Variants in RMST observed in about 807,000 individuals in gnomAD.
RMST encodes long intergenic non-protein coding RNA 54.
intron 10 of RMST, among the ~76,000 whole-genome samples, chr12:97,519,326 C>G (rs1880273727): frequency 6.6e-6 from 1 of 152,086 alleles, no homozygotes; most frequent in Non-Finnish European, 1.5e-5. Context: ...TACGTCAATC[C>G]CAGGAAATCA....
At chr12:97,552,378 G>T (rs529820127) in intron 11 of RMST, 1 of 152,132 alleles carries the variant, frequency 6.6e-6, no homozygotes, top group Non-Finnish European at 1.5e-5. Flanking sequence ...ATTTCTTCAG[G>T]CATTGTCTTT....
At chr12:97,465,622 T>C (rs1873097416) in intron 4 of RMST, 1 of 149,428 alleles carries the variant, frequency 6.7e-6, no homozygotes, top group African/African-American at 2.5e-5. Context: ...TGTAGTAAAG[T>C]TTTTTTTTAA....
intron 11 of RMST, among the ~76,000 whole-genome samples, chr12:97,546,647 A>G (rs978642849): frequency 1.3e-5 from 2 of 152,072 alleles, no homozygotes; most frequent in Non-Finnish European, 2.9e-5. Context: ...TGACTATTTT[A>G]TGGTAGTGGA....
intron 5 of RMST, among the ~76,000 whole-genome samples, chr12:97,467,466 A>G (rs1285696372): frequency 6.6e-6 from 1 of 152,050 alleles, no homozygotes; most frequent in East Asian, 1.9e-4. Flanking sequence ...AAATTTTTAT[A>G]CAATTTAACT....
chr12:97,549,894 AAG>A (rs543977636), intron 11 of RMST, among the ~76,000 whole-genome samples: 83 of 152,364 alleles, frequency 5.4e-4, no homozygotes, highest in African/African-American at 1.7e-3. Flanking sequence ...GCTCCACAGA[AAG>A]AGAACAAAGT....
At chr12:97,497,627 C>G (rs1043395657) in intron 10 of RMST, among the ~76,000 whole-genome samples, 3 of 151,830 alleles carry the variant, frequency 2.0e-5, no homozygotes, top group Non-Finnish European at 2.9e-5. Context: ...AAACCCTTTC[C>G]CATGATAGTC....
intron 5 of RMST, among the ~76,000 whole-genome samples, chr12:97,483,175 A>G (rs900449994): frequency 2.6e-5 from 4 of 152,136 alleles, no homozygotes; most frequent in Admixed American, 2.6e-4. Context: ...TATTAGTTGC[A>G]CTAATAAAGG....
intron 10 of RMST, among the ~76,000 whole-genome samples, chr12:97,499,651 T>C (rs1170043989): frequency 7.2e-6 from 1 of 139,378 alleles, no homozygotes; most frequent in Non-Finnish European, 1.5e-5. Context: ...TTTTTCTTTT[T>C]TCTTTCTTTT....
chr12:97,524,962 T>G (rs1044806811), intron 10 of RMST, among the ~76,000 whole-genome samples: 6 of 152,244 alleles, frequency 3.9e-5, no homozygotes, highest in Non-Finnish European at 8.8e-5. Context: ...GTGTATTATG[T>G]GCCATGTGGC....
intron 10 of RMST, among the ~76,000 whole-genome samples, chr12:97,528,059 G>T (rs1053542122): frequency 3.3e-5 from 5 of 152,104 alleles, no homozygotes; most frequent in Non-Finnish European, 7.4e-5. Flanking sequence ...TGTGAGGTAA[G>T]TATTACAATT....
At chr12:97,468,368 G>A (rs1365082147) in intron 5 of RMST, among the ~76,000 whole-genome samples, 1 of 151,982 alleles carries the variant, frequency 6.6e-6, no homozygotes, top group Non-Finnish European at 1.5e-5. Context: ...ATATAGACTC[G>A]TTACGTCCCT....
intron 5 of RMST, among the ~76,000 whole-genome samples, chr12:97,466,209 A>C (rs1873164469): frequency 6.6e-6 from 1 of 152,188 alleles, no homozygotes; most frequent in Non-Finnish European, 1.5e-5. Context: ...TTAGTAGAGC[A>C]GCAGCAAAAG....
At chr12:97,506,413 A>G (rs1463253465) in intron 10 of RMST, among the ~76,000 whole-genome samples, 1 of 152,200 alleles carries the variant, frequency 6.6e-6, no homozygotes, top group African/African-American at 2.4e-5. Context: ...TTTATCAAAA[A>G]TATTTGTCAA....
intron 10 of RMST, among the ~76,000 whole-genome samples, chr12:97,496,245 G>A (rs550773584): frequency 1.3e-5 from 2 of 152,052 alleles, no homozygotes; most frequent in African/African-American, 4.8e-5. Context: ...TAACTATGGT[G>A]GATTTTTTTC....
At position 97,563,782 on chromosome 12, in the gene RMST, T is replaced by C. The variant is rs1246286728; in HGVS notation, n.1959-368T>C. 8.2e-6 allele frequency: 4 copies of C among 485,386 alleles called. No individual in the cohort carries two copies. The East Asian group carries it at 2.4e-4, about 30-fold the overall frequency. 30.1% of individuals were successfully genotyped at this position (485,386 alleles called of 1,614,324 possible). A position where few individuals can be genotyped will look rare whatever the true frequency, so the allele number is the denominator to read the frequency against. On this transcript the variant is annotated intron_variant and non_coding_transcript_variant, in intron 13 of 13. Transcript: ENST00000640149. ...TAGCTTTGAAATGGTTGTGAAGTCA[T>C]GTGAAGAAAATAAGTTTTGCATCCG... is the stretch of plus-strand genomic sequence containing the variant.
At chr12:97,471,181 G>A (rs1004417410) in intron 5 of RMST, among the ~76,000 whole-genome samples, 2 of 152,116 alleles carry the variant, frequency 1.3e-5, no homozygotes, top group African/African-American at 4.8e-5. Context: ...TTTACTGGCT[G>A]TAAGAGTCAG....
intron 11 of RMST, among the ~76,000 whole-genome samples, chr12:97,549,916 CAA>C (rs1490451961): frequency 6.6e-6 from 1 of 152,106 alleles, no homozygotes; most frequent in Non-Finnish European, 1.5e-5. Context: ...TGAAATAACC[CAA>C]GTTTGATTTT....
chr12:97,468,314 A>G (rs1356589735), intron 5 of RMST, among the ~76,000 whole-genome samples: 1 of 151,986 alleles, frequency 6.6e-6, no homozygotes, highest in East Asian at 1.9e-4. Flanking sequence ...TGAACATTGT[A>G]TTTGCTTAAT....
chr12:97,513,640 G>A (rs1006259922), intron 10 of RMST, among the ~76,000 whole-genome samples: 6 of 152,082 alleles, frequency 3.9e-5, no homozygotes, highest in Non-Finnish European at 7.4e-5. Context: ...CTATATAGAC[G>A]CAGTTTCCAA....
Sources: gnomAD v4.1 joint callset for allele counts (sites outside exome capture counted in the v4.1 genomes callset) on GRCh38, gnomAD v4.1.1 for gene constraint, MANE v1.5 for transcripts, NCBI Gene and HGNC (gene_info 2026-07-23, HGNC 2026-07-21) for gene names.